Variants in BTBD8 observed in about 807,000 individuals in gnomAD.
BTBD8 encodes BTB domain containing 8.
BTBD8 carries 110 observed loss-of-function variants against 162.9 expected under a neutral mutation model. The observed-to-expected ratio is 0.68, with a 90% CI of 0.58 to 0.79. The LOEUF (loss-of-function observed/expected upper bound fraction) is 0.79. Ranked by LOEUF, BTBD8 falls within the 30% of genes least tolerant of loss-of-function variation. BTBD8 has a pLI of 0.00. For synonymous variants in BTBD8, 667 were observed against 716.1 expected, an observed-to-expected ratio of 0.93 and a Z score of 1.10; for missense variants, 1,905 against 2,085.4, an observed-to-expected ratio of 0.91 and a Z score of 1.68.
chr1:92,137,602 C>A (rs1288362282), intron 5 of BTBD8, among the ~76,000 whole-genome samples: 6 of 152,114 alleles, frequency 3.9e-5, no homozygotes, highest in Non-Finnish European at 8.8e-5. Context: ...CAGAATAAGA[C>A]AAAATAATCA....
At chr1:92,120,915 A>T (rs996828444) in intron 4 of BTBD8, among the ~76,000 whole-genome samples, 2 of 152,096 alleles carry the variant, frequency 1.3e-5, no homozygotes, top group African/African-American at 4.8e-5. Context: ...GACGTGCACC[A>T]CCAAGCATGG....
At chr1:92,084,495 G>A (rs558741426) in intron 1 of BTBD8, among the ~76,000 whole-genome samples, 2 of 152,284 alleles carry the variant, frequency 1.3e-5, no homozygotes, top group East Asian at 1.9e-4. Flanking sequence ...GAAGCCCTGG[G>A]TTAGGGTTGT....
At chr1:92,114,029 A>T (rs1570725682) in intron 4 of BTBD8, among the ~76,000 whole-genome samples, 2 of 151,156 alleles carry the variant, frequency 1.3e-5, no homozygotes, top group South Asian at 2.1e-4. Flanking sequence ...AAAAAAAAAA[A>T]AGATTAGAGG....
chr1:92,147,410 C>T, intron 8 of BTBD8, 142 bp downstream of exon 8: 1 of 659,222 alleles, frequency 1.5e-6, no homozygotes, highest in Non-Finnish European at 2.5e-6. Context: ...CTAGTTTCAC[C>T]ACTAAGTAGA....
chr1:92,102,919 T>C (rs1648628861), intron 3 of BTBD8, among the ~76,000 whole-genome samples: 1 of 152,222 alleles, frequency 6.6e-6, no homozygotes, highest in Non-Finnish European at 1.5e-5. Flanking sequence ...ATTGTCCTTA[T>C]TATAATCTAT....
At chr1:92,121,627 A>G (rs1441355572) in intron 4 of BTBD8, among the ~76,000 whole-genome samples, 2 of 152,158 alleles carry the variant, frequency 1.3e-5, no homozygotes, top group African/African-American at 4.8e-5. Context: ...GTCCAGTTCT[A>G]TGAATTTTGA....
intron 12 of BTBD8, among the ~76,000 whole-genome samples, 162 bp from the exon 13 acceptor site, chr1:92,171,237 A>G (rs1242170994): frequency 6.6e-6 from 1 of 152,116 alleles, no homozygotes; most frequent in Non-Finnish European, 1.5e-5. Flanking sequence ...AAAAAATTCT[A>G]AAATATAATA....
chr1:92,093,270 G>A (rs1357167108), intron 2 of BTBD8, among the ~76,000 whole-genome samples: 1 of 140,892 alleles, frequency 7.1e-6, no homozygotes, highest in Non-Finnish European at 1.5e-5. Flanking sequence ...TCGGCTCACT[G>A]CAACCTTCAC....
At chr1:92,139,245 G>A in intron 5 of BTBD8, 105 bp from the exon 6 acceptor site, 1 of 1,213,920 alleles carries the variant, frequency 8.2e-7, no homozygotes, top group Non-Finnish European at 1.1e-6. Context: ...CAGGTAAAAG[G>A]AAGATTAGAA....
rs1256910624 is a variant in BTBD8, at chr1:92,139,394, G to A, written c.797G>A (p.Gly266Glu). The A allele has an allele frequency of 1.3e-6, 2 of 1,599,004 alleles. No homozygotes were observed. Among genetic ancestry groups the A allele is most frequent in the Non-Finnish European group, 1.7e-6 (2 of 1,175,916 alleles). Residue 266 changes from glycine (G) to glutamate (E), a missense_variant, in exon 6 of 18, where the codon GGA becomes GAA. Physicochemically the swap from Gly to Glu is moderately conservative, Grantham distance 98. Transcript: ENST00000636805. ...ELNVMMHFIY[G>E]GTLDIPDKTN... ...AATGTTATGATGCATTTTATATATG[G>A]AGGAACTCTGGACATTCCAGACAAA...
At chr1:92,179,178 G>A (rs1205443496) in intron 16 of BTBD8, among the ~76,000 whole-genome samples, 6 of 151,812 alleles carry the variant, frequency 4.0e-5, no homozygotes, top group Non-Finnish European at 1.5e-5. Context: ...CCTGGGAGGC[G>A]GAGGTTGCAG....
intron 13 of BTBD8, 112 bp downstream of exon 13, chr1:92,171,572 T>C (rs1650547388): frequency 6.2e-6 from 4 of 647,958 alleles, no homozygotes; most frequent in African/African-American, 3.8e-5. Flanking sequence ...ATTGAAGCTA[T>C]TTCTTAATGG....
intron 4 of BTBD8, 49 bp downstream of exon 4, chr1:92,108,050 G>C (rs757394987): frequency 6.6e-7 from 1 of 1,511,204 alleles, no homozygotes; most frequent in South Asian, 1.1e-5. Flanking sequence ...TGTAGAGTGT[G>C]GAAGGGCAGC....
At chr1:92,126,528 T>G (rs896883258) in intron 4 of BTBD8, 1 of 548,926 alleles carries the variant, frequency 1.8e-6, no homozygotes, top group African/African-American at 1.9e-5. Flanking sequence ...GCAGACCGCT[T>G]TATTTTCGCT....
At position 92,088,743 on chromosome 1, in the gene BTBD8, T is replaced by G. The variant is rs1344208778; in HGVS notation, c.195T>G (p.Gly65=). 6.2e-7 allele frequency: 1 copy of G among 1,612,578 alleles called. No individual in the cohort carries two copies. Among genetic ancestry groups the G allele is most frequent in the Non-Finnish European group, 8.5e-7 (1 of 1,179,064 alleles). ...ATACAGATGTTACCTTCTCTGTGGGTTGTACTTTGTTCAAAGCACACAAAG... is the reference window on the plus strand; with the variant it reads ...ATACAGATGTTACCTTCTCTGTGGGGTGTACTTTGTTCAAAGCACACAAAG... ...EFHTDVTFSV[G]CTLFKAHKAV... The change falls in exon 2 of 18, where the codon GGT becomes GGG. Residue 65 remains glycine, a synonymous_variant. Transcript: ENST00000636805.
chr1:92,141,168 C>A lies in BTBD8; in HGVS notation c.887C>A (p.Ala296Glu). The change falls in exon 7 of 18, where the codon GCA becomes GAA. Residue 296 changes from alanine to glutamate, a missense_variant. This residue lies in a region of BTBD8 where 1,374 missense variants were observed against 1,442.7 expected (regional missense o/e 0.95). Transcript: ENST00000636805. The stretch of plus-strand genomic sequence containing the variant: ...GGACTAGAAGGATTAAAAGAAGTAG[C>A]AATCTATATTTTAAGAAGAGATTAC... ...MYGLEGLKEV[A>E]IYILRRDYCN... 1 of 1,582,900 alleles carries A rather than the reference C, an allele frequency of 6.3e-7. No homozygotes were observed. The highest frequency in any genetic ancestry group is 1.4e-5 in the African/African-American group (1 of 73,944).
intron 2 of BTBD8, among the ~76,000 whole-genome samples, chr1:92,089,378 G>T (rs894005979): frequency 1.3e-5 from 2 of 152,068 alleles, no homozygotes; most frequent in Admixed American, 1.3e-4. Flanking sequence ...CCGTTGCTAC[G>T]TACTCACTCT....
At chr1:92,141,842 C>T (rs1432620566) in intron 7 of BTBD8, among the ~76,000 whole-genome samples, 1 of 152,064 alleles carries the variant, frequency 6.6e-6, no homozygotes, top group Non-Finnish European at 1.5e-5. Context: ...TTAAAATTTT[C>T]TACAAAGAAT....
chr1:92,103,428 G>T (rs1170711384), intron 3 of BTBD8, among the ~76,000 whole-genome samples: 1 of 152,196 alleles, frequency 6.6e-6, no homozygotes, highest in Non-Finnish European at 1.5e-5. Context: ...ATGGATGCAT[G>T]TGTAGAGAGA....
Sources: allele counts gnomAD v4.1 joint callset (sites outside exome capture counted in the v4.1 genomes callset), GRCh38; gene constraint gnomAD v4.1.1; regional missense constraint gnomAD v4.1.1; transcripts MANE v1.5; gene names NCBI Gene and HGNC (gene_info 2026-07-23, HGNC 2026-07-21).